The following SLC5A6 variants were observed in gnomAD, a reference collection of about 807,000 sequenced individuals.
SLC5A6 encodes sodium-dependent multivitamin transporter.
In SLC5A6, 31 loss-of-function variants were observed where a neutral mutation model predicts 67.9. The observed-to-expected ratio is 0.46, with a 90% confidence interval of 0.34 to 0.62. SLC5A6 has a LOEUF of 0.62. Ranked by LOEUF, SLC5A6 falls within the 20% of genes least tolerant of loss-of-function variation. SLC5A6 has a pLI of 0.01. For synonymous variants in SLC5A6, 343 were observed against 331.0 expected (o/e 1.04, Z -0.39); for missense variants, 673 against 812.8 (o/e 0.83, Z 2.09).
Position 27,207,191 on chromosome 2 carries a change from A to G in SLC5A6, c.393+67T>C, listed in dbSNP as rs765094917. 20 of 1,545,080 alleles carry G rather than the reference A, an allele frequency of 1.3e-5. No homozygotes were observed. Among genetic ancestry groups the G allele is most frequent in the Middle Eastern group, 1.8e-4 (1 of 5,582 alleles). On this transcript the variant is annotated intron_variant, in intron 3 of 16. Coordinates refer to ENST00000310574, the MANE Select transcript of SLC5A6 (RefSeq NM_021095.4). The surrounding 1 kb of genome is among the most constrained non-coding windows in gnomAD (Gnocchi z 5.5). ...AGGTCTAGGGTCCCAGGTCCTTCCT[A>G]TGTGCCTGTCCCTCCTCTCCACCCC...
intron 16 of SLC5A6, 96 bp from the exon 17 acceptor site, chr2:27,200,675 C>A: frequency 7.4e-7 from 1 of 1,353,548 alleles, no homozygotes. Context: ...GAAGGGAGCC[C>A]AGCAAGGCTG....
At chr2:27,210,596 A>G (rs1431563614) in intron 2 of SLC5A6, among the ~76,000 whole-genome samples, 7 of 150,164 alleles carry the variant, frequency 4.7e-5, no homozygotes, top group Non-Finnish European at 1.5e-5. Context: ...GCGCCCAGCT[A>G]ATTTTTTTTT....
At chr2:27,209,130 T>C (rs764873048) in intron 2 of SLC5A6, among the ~76,000 whole-genome samples, 9 of 152,284 alleles carry the variant, frequency 5.9e-5, no homozygotes, top group Non-Finnish European at 1.3e-4. Flanking sequence ...AAGGCTCAGA[T>C]GGTTCAAGTG....
Position 27,203,155 on chromosome 2 carries a change from T to A in SLC5A6, c.1207+78A>T. The stretch of plus-strand genomic sequence containing the variant: ...CTGAGCCCCGGATAAAGTGGGTGTT[T>A]TACAGCAAACTGATGACAATGGTCA... On this transcript the variant is annotated intron_variant, in intron 11 of 16. Transcript: ENST00000310574. The A allele has an allele frequency of 1.9e-6, 3 of 1,596,292 alleles. No homozygotes were observed. In the South Asian group the frequency reaches 3.4e-5, roughly 18 times the overall value.
At chr2:27,205,281 GACC>G in intron 7 of SLC5A6, 66 bp downstream of exon 7, 1 of 1,511,884 alleles carries the variant, frequency 6.6e-7, no homozygotes, top group South Asian at 1.2e-5. Context: ...CTATAGCCAA[GACC>G]AGCCTCTAGG....
intron 10 of SLC5A6, 114 bp downstream of exon 10, chr2:27,203,665 A>T: frequency 1.3e-6 from 1 of 783,440 alleles, no homozygotes; most frequent in African/African-American, 1.7e-5. Context: ...TGGGGCAGGC[A>T]CAGTGAGAAA....
At chr2:27,202,519 AAAAAAAG>A (rs1307986352) in intron 12 of SLC5A6, among the ~76,000 whole-genome samples, 1 of 150,136 alleles carries the variant, frequency 6.7e-6, no homozygotes, top group African/African-American at 2.5e-5. Flanking sequence ...AAAAAAAAAA[AAAAAAAG>A]AACTCCAGAG....
chr2:27,205,278 C>A, intron 7 of SLC5A6, 72 bp downstream of exon 7: 1 of 1,487,536 alleles, frequency 6.7e-7, no homozygotes, highest in South Asian at 1.2e-5. Flanking sequence ...TTACTATAGC[C>A]AAGACCAGCC....
At chr2:27,205,919 A>C in intron 6 of SLC5A6, 107 bp downstream of exon 6, 72 of 800,250 alleles carry the variant, frequency 9.0e-5, no homozygotes, top group Non-Finnish European at 1.3e-4. Context: ...AATTTCACCT[A>C]TTCTCCTCAT....
Position 27,207,149 on chromosome 2 carries a change from C to G in SLC5A6, c.393+109G>C. On this transcript the variant is annotated intron_variant, in intron 3 of 16. Coordinates refer to ENST00000310574, the MANE Select transcript of SLC5A6 (RefSeq NM_021095.4). The surrounding 1 kb of genome is among the most constrained non-coding windows in gnomAD (Gnocchi z 5.5). ...TAAACACACAATGAGTTTTCTGTCC[C>G]TCTCATTAGGTGGAGGAGGTCTAGG... is the stretch of plus-strand genomic sequence containing the variant. The G allele has an allele frequency of 1.6e-6, 2 of 1,214,122 alleles. No homozygotes were observed. The highest frequency in any genetic ancestry group is 1.2e-6 in the Non-Finnish European group (1 of 842,482). The allele number at this position is 1,214,122 out of a possible 1,614,324, so 75.2% of individuals were successfully genotyped here. A position where few individuals can be genotyped will look rare whatever the true frequency, so the allele number is the denominator to read the frequency against.
In SLC5A6 at chr2:27,200,582, G is replaced by A. The variant is rs753545571; in HGVS notation, c.1765-3C>T. The A allele has an allele frequency of 1.8e-5, 29 of 1,609,542 alleles. 1 individual carries two copies. In the South Asian group the frequency reaches 3.2e-4, roughly 18 times the overall value. ...AACAGGCCAGTGTCGAGGTGGTCCT[G>A]CAAACACAGAGCCAAAGGGGTGGAA... On this transcript the variant is annotated splice_polypyrimidine_tract_variant and splice_region_variant and intron_variant, in intron 16 of 16. Transcript: ENST00000310574.
rs767647856 is a variant in SLC5A6, at chr2:27,201,469, G to A, written c.1545-16C>T. ...CCCTGTGGGCCTGGGAAGAGCAGAG[G>A]TGAGAACAATTAGCAATTCGTTGGC... On this transcript the variant is annotated splice_polypyrimidine_tract_variant and intron_variant, in intron 14 of 16. Transcript: ENST00000310574. 11 of 1,562,136 alleles carry A rather than the reference G, an allele frequency of 7.0e-6. No individual in the cohort carries two copies. The highest frequency in any genetic ancestry group is 9.7e-6 in the Non-Finnish European group (11 of 1,132,796).
chr2:27,212,289 G>A (rs1674600407), upstream of SLC5A6: 2 of 1,552,632 alleles, frequency 1.3e-6, no homozygotes, highest in Admixed American at 2.0e-5. Context: ...GGCCACGCCC[G>A]GGGAAGAGGG....
chr2:27,204,718 C>T (rs879063364), intron 8 of SLC5A6, 73 bp downstream of exon 8: 15 of 1,604,664 alleles, frequency 9.3e-6, no homozygotes, highest in Non-Finnish European at 1.3e-5. Flanking sequence ...TGGCATCCTG[C>T]CCCACCCCAA....
In SLC5A6 at chr2:27,206,473, G is replaced by A. The variant is rs199888105; in HGVS notation, c.511+10C>T. 22 of 1,613,708 alleles carry A rather than the reference G, an allele frequency of 1.4e-5. No individual in the cohort carries two copies. The East Asian group carries it at 4.9e-4, about 36-fold the overall frequency. ...CACGGCTGAAAGCCAGGGGCTGTGTGACTCCTCACCTGCATTGAGAGCCAA... is the reference window on the plus strand; with the variant it reads ...CACGGCTGAAAGCCAGGGGCTGTGTAACTCCTCACCTGCATTGAGAGCCAA... On this transcript the variant is annotated intron_variant, in intron 5 of 16. Transcript: ENST00000310574.
chr2:27,204,336 A>G lies in SLC5A6; in HGVS notation c.1005+125T>C, dbSNP rs147223715. The G allele has an allele frequency of 7.8e-5, 85 of 1,088,860 alleles. 1 individual carries two copies. In the African/African-American group the frequency reaches 1.1e-3, roughly 14 times the overall value. 67.4% of individuals were successfully genotyped at this position (1,088,860 alleles called of 1,614,324 possible). On this transcript the variant is annotated intron_variant, in intron 9 of 16. Transcript: ENST00000310574. ...TAGATTCCTAGCATCTCAGAGTGGGAAAGGATTTTACAACCGTCTCCCACC... is the reference window on the plus strand; with the variant it reads ...TAGATTCCTAGCATCTCAGAGTGGGGAAGGATTTTACAACCGTCTCCCACC...
chr2:27,207,113 A>T lies in SLC5A6; in HGVS notation c.393+145T>A. 9.3e-7 allele frequency: 1 copy of T among 1,080,190 alleles called. No homozygotes were observed. The highest frequency in any genetic ancestry group is 1.4e-6 in the Non-Finnish European group (1 of 723,788). 66.9% of individuals were successfully genotyped at this position (1,080,190 alleles called of 1,614,324 possible). Reference sequence around the variant, plus strand: ...CCTGCCCCTATACCTAACATCACTGAGAAAGAATTATAAACACACAATGAG... The same window carrying T: ...CCTGCCCCTATACCTAACATCACTGTGAAAGAATTATAAACACACAATGAG... On this transcript the variant is annotated intron_variant, in intron 3 of 16. Coordinates refer to ENST00000310574, the MANE Select transcript of SLC5A6 (RefSeq NM_021095.4). The surrounding 1 kb of genome is among the most constrained non-coding windows in gnomAD (Gnocchi z 5.5).
At chr2:27,206,726 G>A in intron 4 of SLC5A6, 151 bp downstream of exon 4, 1 of 852,380 alleles carries the variant, frequency 1.2e-6, no homozygotes, top group Non-Finnish European at 2.0e-6. Context: ...TGGGCAGCAG[G>A]ATGCCTCTGG....
At chr2:27,212,493 C>A, upstream of SLC5A6, 2 of 1,550,254 alleles carry the variant, frequency 1.3e-6, no homozygotes, top group East Asian at 2.4e-5. Context: ...TGAGGTCGGG[C>A]TGAAGCAGGG....
Sources: gnomAD v4.1 joint callset for allele counts (sites outside exome capture counted in the v4.1 genomes callset) on GRCh38, gnomAD v4.1.1 for gene constraint, Gnocchi (gnomAD v3.1) non-coding constraint, MANE v1.5 for transcripts, NCBI Gene and HGNC (gene_info 2026-07-23, HGNC 2026-07-21) for gene names.